The following KLHL26 variants were observed in gnomAD, a reference collection of about 807,000 sequenced individuals.
KLHL26 encodes the protein kelch-like protein 26.
A neutral mutation model predicts 7.1 loss-of-function variants in KLHL26; 4 were observed. The ratio of observed to expected loss-of-function variants is 0.56; its 90% CI spans 0.28 to 1.28. The LOEUF (loss-of-function observed/expected upper bound fraction) is 1.28. Ranked by LOEUF, KLHL26 falls within the 50% of genes most tolerant of loss-of-function variation. KLHL26 has a pLI of 0.11. For synonymous variants in KLHL26, 465 were observed against 414.1 expected (o/e 1.12, Z -1.49); for missense variants, 896 against 924.6 (o/e 0.97, Z 0.40).
chr19:18,654,450 C>T (rs1264167092), intron 1 of KLHL26, among the ~76,000 whole-genome samples: 3 of 151,318 alleles, frequency 2.0e-5, no homozygotes, highest in Admixed American at 2.0e-4. Flanking sequence ...AACCCACCAT[C>T]CACCAATCCT....
At chr19:18,658,268 G>A (rs1352271563) in intron 1 of KLHL26, among the ~76,000 whole-genome samples, 1 of 152,128 alleles carries the variant, frequency 6.6e-6, no homozygotes, top group Non-Finnish European at 1.5e-5. Flanking sequence ...GAAGGGTCAT[G>A]AGAGAAGGTG....
Position 18,669,250 on chromosome 19 carries a change from C to T in KLHL26, c.*5C>T. On this transcript the variant is annotated 3_prime_UTR_variant, in exon 3 of 3. Transcript: ENST00000300976. Reference sequence around the variant, plus strand: ...CGGGCCGGGACCAGGAGGTAGCCCCCAAGACCCCCGGGACCCTGGCCTGAC... The same window carrying T: ...CGGGCCGGGACCAGGAGGTAGCCCCTAAGACCCCCGGGACCCTGGCCTGAC... 6.2e-7 allele frequency: 1 copy of T among 1,604,730 alleles called. No homozygotes were observed. The highest frequency in any genetic ancestry group is 8.5e-7 in the Non-Finnish European group (1 of 1,177,884).
intron 1 of KLHL26, among the ~76,000 whole-genome samples, chr19:18,640,599 C>A (rs913830082): frequency 2.3e-5 from 3 of 129,954 alleles, no homozygotes; most frequent in African/African-American, 9.0e-5. Context: ...CTCTCTGTTG[C>A]CCAGCAGTTG....
At position 18,649,591 on chromosome 19, in the gene KLHL26, A is replaced by G. The variant is rs961778089; in HGVS notation, c.83+12454A>G. Among the ~76,000 whole-genome samples the G allele has an allele frequency of 8.5e-5, 13 of 152,246 alleles. No homozygotes were observed. The highest frequency in any genetic ancestry group is 4.6e-4 in the Admixed American group (7 of 15,288). Reference sequence around the variant, plus strand: ...CCTGCATGTTAAAGCAAAGGCGGCAAACGACAGCCGCTCTCTCCCTGTCCA... The same window carrying G: ...CCTGCATGTTAAAGCAAAGGCGGCAGACGACAGCCGCTCTCTCCCTGTCCA... On this transcript the variant is annotated intron_variant, in intron 1 of 2. Transcript: ENST00000300976. The surrounding 1 kb of genome is among the most constrained non-coding windows in gnomAD (Gnocchi z 4.0).
chr19:18,668,084 G>C lies in KLHL26; in HGVS notation c.687G>C (p.Ala229=), dbSNP rs150852328. ...QSCAEIDLFR[A]AVRWLQHDPA... is the part of the protein sequence containing the mutation. ...GTGCCGAGATCGACCTGTTCCGCGC[G>C]GCCGTCCGCTGGCTGCAGCATGACC... The change falls in exon 3 of 3, where the codon GCG becomes GCC. Residue 229 remains alanine (A), a synonymous_variant. Coordinates refer to ENST00000300976, the MANE Select transcript of KLHL26 (RefSeq NM_018316.3). The C allele has an allele frequency of 1.2e-6, 2 of 1,605,404 alleles. No individual in the cohort carries two copies. Among genetic ancestry groups the C allele is most frequent in the African/African-American group, 2.7e-5 (2 of 75,052 alleles).
intron 1 of KLHL26, among the ~76,000 whole-genome samples, chr19:18,640,782 G>T (rs28793742): frequency 6.8e-6 from 1 of 146,006 alleles, no homozygotes; most frequent in Non-Finnish European, 1.5e-5. Flanking sequence ...CAGGGGATCC[G>T]CCTGCTTCGG....
rs908416452 is a variant in KLHL26, at chr19:18,669,401, C to T, written c.*156C>T. The T allele has an allele frequency of 3.2e-6, 2 of 617,258 alleles. No homozygotes were observed. Among genetic ancestry groups the T allele is most frequent in the Admixed American group, 3.0e-5 (1 of 33,748 alleles). 38.2% of individuals were successfully genotyped at this position (617,258 alleles called of 1,614,324 possible). ...TAAGCCCCCCTCCCAGGGGTCCCTC[C>T]CTCCCTCCTTCCCAAAGCAGATCCT... On this transcript the variant is annotated 3_prime_UTR_variant, in exon 3 of 3. Coordinates refer to ENST00000300976, the MANE Select transcript of KLHL26 (RefSeq NM_018316.3).
rs995267882 is a variant in KLHL26, at chr19:18,670,411, T to C, written c.*1166T>C. The C allele has an allele frequency of 1.3e-5, 2 of 152,240 alleles. No homozygotes were observed. The highest frequency in any genetic ancestry group is 6.5e-5 in the Admixed American group (1 of 15,286). 9.4% of individuals were successfully genotyped at this position (152,240 alleles called of 1,614,324 possible). A position where few individuals can be genotyped will look rare whatever the true frequency, so the allele number is the denominator to read the frequency against. On this transcript the variant is annotated 3_prime_UTR_variant, in exon 3 of 3. Transcript: ENST00000300976. The stretch of plus-strand genomic sequence containing the variant: ...TTGATGTCTTGTCTCTGTGACCCAC[T>C]CACCATGTAAAGAATTAACCTCCTA...
chr19:18,664,651 G>A (rs546576955), intron 2 of KLHL26, among the ~76,000 whole-genome samples: 9 of 151,758 alleles, frequency 5.9e-5, no homozygotes, highest in East Asian at 1.9e-4. Flanking sequence ...GCACAATCTC[G>A]GCTCACTGCA....
chr19:18,668,285 G>A lies in KLHL26; in HGVS notation c.888G>A (p.Glu296=). 6.2e-7 allele frequency: 1 copy of A among 1,611,974 alleles called. No individual in the cohort carries two copies. Among genetic ancestry groups the A allele is most frequent in the African/African-American group, 1.3e-5 (1 of 75,062 alleles). The change falls in exon 3 of 3, where the codon GAG becomes GAA. Residue 296 remains glutamate, a synonymous_variant. Transcript: ENST00000300976. ...NYQVLPFRQH[E]MQSPRTAVRS... is the part of the protein sequence containing the mutation. The stretch of plus-strand genomic sequence containing the variant: ...AGGTGCTGCCCTTCCGGCAGCACGA[G>A]ATGCAGTCTCCGCGCACCGCCGTGC...
chr19:18,650,879 C>T lies in KLHL26; in HGVS notation c.84-13382C>T, dbSNP rs891816153. Among the ~76,000 whole-genome samples the T allele has an allele frequency of 2.0e-5, 3 of 152,150 alleles. No homozygotes were observed. Among genetic ancestry groups the T allele is most frequent in the African/African-American group, 7.2e-5 (3 of 41,438 alleles). Reference sequence around the variant, plus strand: ...CACTCGCCCTCAGAATGGCCCTCAGCGGGGCTTCCTGACCCCTCAGCCCCG... The same window carrying T: ...CACTCGCCCTCAGAATGGCCCTCAGTGGGGCTTCCTGACCCCTCAGCCCCG... On this transcript the variant is annotated intron_variant, in intron 1 of 2. Coordinates refer to ENST00000300976, the MANE Select transcript of KLHL26 (RefSeq NM_018316.3). The surrounding 1 kb of genome is among the most constrained non-coding windows in gnomAD (Gnocchi z 4.2).
intron 1 of KLHL26, among the ~76,000 whole-genome samples, chr19:18,637,629 G>A (rs975537226): frequency 1.3e-5 from 2 of 150,500 alleles, no homozygotes; most frequent in Non-Finnish European, 3.0e-5. Flanking sequence ...GCGCTGGAAG[G>A]AGTAGAGACT....
In KLHL26 at chr19:18,668,020, G is replaced by A. The variant is rs374080236; in HGVS notation, c.623G>A (p.Arg208His). 2.5e-6 allele frequency: 4 copies of A among 1,608,978 alleles called. No homozygotes were observed. Among genetic ancestry groups the A allele is most frequent in the Non-Finnish European group, 3.4e-6 (4 of 1,179,968 alleles). Residue 208 changes from arginine (R) to histidine (H), a missense_variant, in exon 3 of 3, where the codon CGC becomes CAC. Coordinates refer to ENST00000300976, the MANE Select transcript of KLHL26 (RefSeq NM_018316.3). The stretch of plus-strand genomic sequence containing the variant: ...GATTTCCTGCGCCTGCCACTGGAGC[G>A]CCTGGTCTTCTTCCTGCAGAGCAAC... ...EEDFLRLPLE[R>H]LVFFLQSNRL...
At chr19:18,667,488 G>A (rs2052460676) in intron 2 of KLHL26, 176 bp from the exon 3 acceptor site, 4 of 1,141,238 alleles carry the variant, frequency 3.5e-6, no homozygotes, top group Non-Finnish European at 4.8e-6. Context: ...ACAGGCATGA[G>A]CCACCGCGCC....
chr19:18,643,424 G>A (rs899738818), intron 1 of KLHL26, among the ~76,000 whole-genome samples: 38 of 151,478 alleles, frequency 2.5e-4, no homozygotes, highest in Non-Finnish European at 4.4e-4. Context: ...CCACCTGGGC[G>A]AGAGAACCAG....
intron 1 of KLHL26, among the ~76,000 whole-genome samples, chr19:18,654,592 TC>T (rs1168655004): frequency 6.7e-6 from 1 of 149,674 alleles, no homozygotes; most frequent in Non-Finnish European, 1.5e-5. Context: ...TATCCACCCA[TC>T]CATTCATCCG....
rs1478112614 is a variant in KLHL26, at chr19:18,664,498, A to G, written c.266+55A>G. The G allele has an allele frequency of 7.8e-6, 11 of 1,412,132 alleles. No homozygotes were observed. The African/African-American group carries it at 1.6e-4, about 20-fold the overall frequency. 87.5% of individuals were successfully genotyped at this position (1,412,132 alleles called of 1,614,324 possible). A position where few individuals can be genotyped will look rare whatever the true frequency, so the allele number is the denominator to read the frequency against. ...GGCGGCTGCCTGTTGGGACAGGGAC[A>G]GGGCAGATGGCACCCACTTTCTAAA... On this transcript the variant is annotated intron_variant, in intron 2 of 2. Transcript: ENST00000300976.
intron 2 of KLHL26, among the ~76,000 whole-genome samples, chr19:18,665,360 C>T (rs1337240415): frequency 6.6e-6 from 1 of 152,244 alleles, no homozygotes; most frequent in African/African-American, 2.4e-5. Flanking sequence ...CCAGCCCAAT[C>T]TGTCTTTACT....
chr19:18,662,315 CA>C (rs1421335193), intron 1 of KLHL26, among the ~76,000 whole-genome samples: 1 of 152,188 alleles, frequency 6.6e-6, no homozygotes, highest in African/African-American at 2.4e-5. Context: ...TTCTGGGAGA[CA>C]AAGTGTCCAC....
Sources: gnomAD v4.1 joint callset for allele counts (sites outside exome capture counted in the v4.1 genomes callset) on GRCh38, gnomAD v4.1.1 for gene constraint, Gnocchi (gnomAD v3.1) non-coding constraint, MANE v1.5 for transcripts, NCBI Gene and HGNC (gene_info 2026-07-23, HGNC 2026-07-21) for gene names.